The following ABI3BP variants were observed in gnomAD, a reference collection of about 807,000 sequenced individuals.
ABI3BP encodes the protein ABI family member 3 binding protein.
In ABI3BP, 216 loss-of-function variants were observed where a neutral mutation model predicts 268.6. The observed-to-expected ratio is 0.80, with a 90% CI of 0.72 to 0.90. The LOEUF (loss-of-function observed/expected upper bound fraction) is 0.90, where lower values mean the gene tolerates loss of function less well. Ranked by LOEUF, ABI3BP falls within the 40% of genes least tolerant of loss-of-function variation. The pLI, the probability that ABI3BP is intolerant of heterozygous loss-of-function variation, is 0.00. For synonymous variants in ABI3BP, 730 were observed against 730.0 expected (o/e 1.00, Z 0.00); for missense variants, 2,090 against 2,182.4 (o/e 0.96, Z 0.84).
chr3:100,824,194 A>G (rs2098314245), intron 36 of ABI3BP, among the ~76,000 whole-genome samples: 1 of 152,114 alleles, frequency 6.6e-6, no homozygotes, highest in African/African-American at 2.4e-5. Context: ...GGCTTGATGT[A>G]CCCTTCCAAA....
intron 18 of ABI3BP, 89 bp from the exon 19 acceptor site, chr3:100,847,762 T>C (rs549824814): frequency 1.6e-3 from 1,713 of 1,100,020 alleles, no homozygotes; most frequent in Admixed American, 5.5e-3. Context: ...CCATTTAAAA[T>C]CCTGCCATAT....
chr3:100,753,356 G>T (rs2095440276), intron 65 of ABI3BP, among the ~76,000 whole-genome samples: 3 of 151,820 alleles, frequency 2.0e-5, no homozygotes, highest in Middle Eastern at 3.4e-3. Context: ...CTGGATAATG[G>T]CTCACTGTAG....
At chr3:100,968,114 GC>G (rs1386864753) in intron 1 of ABI3BP, among the ~76,000 whole-genome samples, 1 of 152,062 alleles carries the variant, frequency 6.6e-6, no homozygotes, top group Non-Finnish European at 1.5e-5. Context: ...GGCCATACCT[GC>G]CCCATATTCT....
intron 1 of ABI3BP, among the ~76,000 whole-genome samples, chr3:100,983,008 C>T (rs2090293828): frequency 6.6e-6 from 1 of 152,214 alleles, no homozygotes; most frequent in Admixed American, 6.5e-5. Context: ...GAAGCAAGGC[C>T]TGTTAGGTCT....
intron 2 of ABI3BP, among the ~76,000 whole-genome samples, chr3:100,907,875 G>A (rs1277339924): frequency 6.6e-6 from 1 of 152,114 alleles, no homozygotes; most frequent in East Asian, 1.9e-4. Context: ...CAGCACTTTG[G>A]GAGGCCTAGG....
chr3:100,941,020 T>G (rs770043080), intron 1 of ABI3BP, among the ~76,000 whole-genome samples: 2 of 150,510 alleles, frequency 1.3e-5, no homozygotes, highest in Non-Finnish European at 3.0e-5. Flanking sequence ...TGTATAAATC[T>G]AAAGAATAAT....
chr3:100,903,877 T>C (rs988877159), intron 2 of ABI3BP, among the ~76,000 whole-genome samples: 2 of 152,182 alleles, frequency 1.3e-5, no homozygotes, highest in South Asian at 2.1e-4. Context: ...CCTCAGAGCT[T>C]TGCCTCATCA....
chr3:100,911,779 T>C (rs2056598374), intron 2 of ABI3BP: 1 of 1,119,484 alleles, frequency 8.9e-7, no homozygotes, highest in Non-Finnish European at 1.4e-6. Context: ...GTTATTATAC[T>C]TGGTGTTAAT....
intron 4 of ABI3BP, among the ~76,000 whole-genome samples, chr3:100,892,539 C>A (rs1200201009): frequency 6.6e-6 from 1 of 152,160 alleles, no homozygotes. Context: ...ATTCCATGGA[C>A]AACTGAAAAC....
chr3:100,753,051 C>A, intron 65 of ABI3BP, 103 bp from the exon 66 acceptor site: 1 of 1,127,424 alleles, frequency 8.9e-7, no homozygotes. Flanking sequence ...CTTTTTTTCC[C>A]CCCATGCTAA....
chr3:100,750,829 A>G (rs1038708369), intron 67 of ABI3BP, among the ~76,000 whole-genome samples: 4 of 152,164 alleles, frequency 2.6e-5, no homozygotes. Context: ...TGCCGTGTCA[A>G]GTTAGGAGGG....
chr3:100,886,678 T>A (rs1255397522), intron 4 of ABI3BP, among the ~76,000 whole-genome samples: 1 of 151,882 alleles, frequency 6.6e-6, no homozygotes, highest in Non-Finnish European at 1.5e-5. Flanking sequence ...GAGTAGAACA[T>A]AGGTGCCATT....
At chr3:100,864,531 T>C (rs772329367) in intron 11 of ABI3BP, 11 of 340,446 alleles carry the variant, frequency 3.2e-5, no homozygotes, top group Non-Finnish European at 5.3e-5. Flanking sequence ...CCCCAAGATT[T>C]GGGAGTTAAA....
rs1458912625 is a variant in ABI3BP, at chr3:100,749,569, C to G, written c.*926G>C. On this transcript the variant is annotated 3_prime_UTR_variant, in exon 68 of 68. Transcript: ENST00000471714. Reference sequence around the variant, plus strand: ...TATTACAGATTGAATTAAACAGTTACAAAGACATTCTCTGATACATTCATT... The same window carrying G: ...TATTACAGATTGAATTAAACAGTTAGAAAGACATTCTCTGATACATTCATT... 2.8e-6 allele frequency: 1 copy of G among 357,714 alleles called. No individual in the cohort carries two copies. The highest frequency in any genetic ancestry group is 4.9e-6 in the Non-Finnish European group (1 of 202,158). 22.2% of individuals were successfully genotyped at this position (357,714 alleles called of 1,614,324 possible). A position where few individuals can be genotyped will look rare whatever the true frequency, so the allele number is the denominator to read the frequency against.
chr3:100,808,450 T>G (rs1310112257), intron 49 of ABI3BP, among the ~76,000 whole-genome samples: 2 of 152,080 alleles, frequency 1.3e-5, no homozygotes, highest in Admixed American at 6.6e-5. Context: ...GATGTTCAGC[T>G]GGCAAAATGA....
At chr3:100,860,689 G>T (rs916515261) in intron 14 of ABI3BP, among the ~76,000 whole-genome samples, 8 of 152,090 alleles carry the variant, frequency 5.3e-5, no homozygotes, top group African/African-American at 1.9e-4. Flanking sequence ...TGGTTTCCTT[G>T]ATGTTTTGGT....
At chr3:100,863,923 A>G in intron 12 of ABI3BP, 79 bp downstream of exon 12, 1 of 1,083,052 alleles carries the variant, frequency 9.2e-7, no homozygotes, top group Non-Finnish European at 1.4e-6. Context: ...AATTAGCGTA[A>G]TTAATTCAAA....
chr3:100,869,275 C>T (rs1248495743), intron 9 of ABI3BP, among the ~76,000 whole-genome samples: 1 of 141,940 alleles, frequency 7.0e-6, no homozygotes, highest in African/African-American at 2.6e-5. Context: ...CATTTATATT[C>T]TTTCTATATT....
At chr3:100,772,567 C>T (rs1178300411) in intron 61 of ABI3BP, among the ~76,000 whole-genome samples, 1 of 151,936 alleles carries the variant, frequency 6.6e-6, no homozygotes, top group African/African-American at 2.4e-5. Flanking sequence ...ATACTATAAA[C>T]CCCAAAGCAA....
Sources: gnomAD v4.1 joint callset for allele counts (sites outside exome capture counted in the v4.1 genomes callset) on GRCh38, gnomAD v4.1.1 for gene constraint, MANE v1.5 for transcripts, NCBI Gene and HGNC (gene_info 2026-07-23, HGNC 2026-07-21) for gene names.